The following WDR17 variants were observed in gnomAD, a reference collection of about 807,000 sequenced individuals.
WDR17 encodes the protein WD repeat-containing protein 17.
A neutral mutation model predicts 161.7 loss-of-function variants in WDR17; 143 were observed. The ratio of observed to expected loss-of-function variants is 0.88; its 90% CI spans 0.77 to 1.02. The LOEUF is 1.02. WDR17 is among the 50% of genes least tolerant of loss of function. WDR17 has a pLI of 0.00. For missense variants in WDR17, 1,469 were observed against 1,520.9 expected, an observed-to-expected ratio of 0.97 and a Z score of 0.57; for synonymous variants, 517 against 515.6, an observed-to-expected ratio of 1.00 and a Z score of -0.04.
chr4:176,085,664 A>G (rs959316289), intron 1 of WDR17, among the ~76,000 whole-genome samples: 1 of 151,866 alleles, frequency 6.6e-6, no homozygotes, highest in Non-Finnish European at 1.5e-5. Context: ...CCTGATAAGG[A>G]TCTGATATGG....
chr4:176,106,742 C>G (rs975648514), intron 1 of WDR17, among the ~76,000 whole-genome samples: 2 of 152,086 alleles, frequency 1.3e-5, no homozygotes, highest in African/African-American at 2.4e-5. Flanking sequence ...TCACTTGAGG[C>G]CAGGAGTTCG....
At chr4:176,142,252 A>T (rs1300491692) in intron 11 of WDR17, among the ~76,000 whole-genome samples, 183 bp downstream of exon 11, 1 of 152,236 alleles carries the variant, frequency 6.6e-6, no homozygotes, top group Non-Finnish European at 1.5e-5. Context: ...TTATTCCATG[A>T]AGTTTTTACA....
intron 4 of WDR17, among the ~76,000 whole-genome samples, chr4:176,122,203 C>T (rs1412876860): frequency 2.0e-5 from 3 of 152,114 alleles, no homozygotes; most frequent in Admixed American, 6.5e-5. Context: ...TCACATGGCA[C>T]GTGGCATCCC....
In WDR17 at chr4:176,181,702, T is replaced by C. The variant is rs1358684536; in HGVS notation, c.*2123T>C. On this transcript the variant is annotated 3_prime_UTR_variant, in exon 29 of 29. Coordinates refer to ENST00000508596, the MANE Select transcript of WDR17 (RefSeq NM_181265.4). ...TACTGTCATTCTTTTTATTTTAAAATAAATAAATAAGCCTATCTTTTTGTG... is the reference window on the plus strand; with the variant it reads ...TACTGTCATTCTTTTTATTTTAAAACAAATAAATAAGCCTATCTTTTTGTG... The C allele has an allele frequency of 6.5e-6, 1 of 152,994 alleles. No individual in the cohort carries two copies. Among genetic ancestry groups the C allele is most frequent in the Admixed American group, 6.6e-5 (1 of 15,256 alleles). The allele number at this position is 152,994 out of a possible 1,614,324, so 9.5% of individuals were successfully genotyped here. A position where few individuals can be genotyped will look rare whatever the true frequency, so the allele number is the denominator to read the frequency against.
At chr4:176,104,809 G>A (rs1179788942) in intron 1 of WDR17, among the ~76,000 whole-genome samples, 3 of 151,948 alleles carry the variant, frequency 2.0e-5, no homozygotes, top group South Asian at 4.1e-4. Context: ...AGACAAAAGC[G>A]TTGCAGGAAA....
chr4:176,090,485 A>G (rs1735986184), intron 1 of WDR17, among the ~76,000 whole-genome samples: 1 of 152,170 alleles, frequency 6.6e-6, no homozygotes, highest in Non-Finnish European at 1.5e-5. Context: ...ATAGCAAGAC[A>G]AACAGATGAA....
chr4:176,097,911 T>C (rs1737163778), intron 1 of WDR17, among the ~76,000 whole-genome samples: 1 of 152,054 alleles, frequency 6.6e-6, no homozygotes, highest in Admixed American at 6.6e-5. Flanking sequence ...TTCCTCTTCT[T>C]GCCCTTTATA....
At chr4:176,075,357 A>G (rs1013285708) in intron 1 of WDR17, among the ~76,000 whole-genome samples, 3 of 152,106 alleles carry the variant, frequency 2.0e-5, no homozygotes, top group Non-Finnish European at 2.9e-5. Context: ...GAAATTTACC[A>G]TATCTTTGTT....
intron 8 of WDR17, 46 bp from the exon 9 acceptor site, chr4:176,137,474 T>G: frequency 2.1e-6 from 3 of 1,461,544 alleles, no homozygotes; most frequent in Non-Finnish European, 2.9e-6. Context: ...AAGAATTACA[T>G]TTGTGGGAAA....
intron 11 of WDR17, 79 bp from the exon 12 acceptor site, chr4:176,145,916 T>C: frequency 3.1e-6 from 4 of 1,273,568 alleles, no homozygotes; most frequent in Non-Finnish European, 4.2e-6. Context: ...CTTTTAGAAA[T>C]TAGAACTATG....
intron 1 of WDR17, among the ~76,000 whole-genome samples, chr4:176,069,741 A>T (rs1404004476): frequency 1.3e-5 from 2 of 152,226 alleles, no homozygotes; most frequent in Non-Finnish European, 2.9e-5. Flanking sequence ...ACGCACACAG[A>T]AAACTTACTT....
At position 176,168,810 on chromosome 4, in the gene WDR17, G is replaced by A. The variant is rs747605915; in HGVS notation, c.3102+27G>A. On this transcript the variant is annotated intron_variant, in intron 23 of 28. Coordinates refer to ENST00000508596, the MANE Select transcript of WDR17 (RefSeq NM_181265.4). ...TATGCTGATGATGTTAAATATTCTGGTTTGGAATGCAGTGCTATGATTTAA... is the reference window on the plus strand; with the variant it reads ...TATGCTGATGATGTTAAATATTCTGATTTGGAATGCAGTGCTATGATTTAA... 5 of 1,598,700 alleles carry A rather than the reference G, an allele frequency of 3.1e-6. No homozygotes were observed. In the East Asian group the frequency reaches 1.1e-4, roughly 36 times the overall value.
intron 1 of WDR17, among the ~76,000 whole-genome samples, chr4:176,079,609 G>A (rs1042330614): frequency 1.3e-5 from 2 of 152,024 alleles, no homozygotes; most frequent in Non-Finnish European, 2.9e-5. Context: ...ATCAAATTAA[G>A]GAAACATCAG....
At chr4:176,136,162 A>G (rs1314351768) in intron 8 of WDR17, among the ~76,000 whole-genome samples, 1 of 151,668 alleles carries the variant, frequency 6.6e-6, no homozygotes, top group African/African-American at 2.4e-5. Flanking sequence ...GTTAAGGACC[A>G]CTGCTTTATG....
chr4:176,079,977 A>C (rs183217985), intron 1 of WDR17, among the ~76,000 whole-genome samples: 1 of 152,206 alleles, frequency 6.6e-6, no homozygotes, highest in East Asian at 1.9e-4. Flanking sequence ...TGAATGGATT[A>C]ATTTGTTCAC....
At chr4:176,177,373 A>C in intron 27 of WDR17, 98 bp from the exon 28 acceptor site, 1 of 1,201,076 alleles carries the variant, frequency 8.3e-7, no homozygotes, top group Non-Finnish European at 1.2e-6. Context: ...TCCATCAATA[A>C]AGGGGAACTA....
intron 20 of WDR17, among the ~76,000 whole-genome samples, chr4:176,161,594 C>T (rs1052682767): frequency 6.6e-6 from 1 of 152,046 alleles, no homozygotes; most frequent in Non-Finnish European, 1.5e-5. Flanking sequence ...TTAAGACACT[C>T]ATCAAGTAGA....
intron 16 of WDR17, 114 bp downstream of exon 16, chr4:176,150,707 T>C (rs762138452): frequency 4.6e-6 from 5 of 1,085,212 alleles, no homozygotes; most frequent in Non-Finnish European, 6.2e-6. Flanking sequence ...TTTAAATAAA[T>C]GAACACTGAG....
chr4:176,088,092 C>T (rs1054106776), intron 1 of WDR17, among the ~76,000 whole-genome samples: 2 of 152,176 alleles, frequency 1.3e-5, no homozygotes, highest in African/African-American at 4.8e-5. Context: ...GATCTGCCCT[C>T]CTTGGCTTCC....
Sources: gnomAD v4.1 joint callset for allele counts (sites outside exome capture counted in the v4.1 genomes callset) on GRCh38, gnomAD v4.1.1 for gene constraint, MANE v1.5 for transcripts, NCBI Gene and HGNC (gene_info 2026-07-23, HGNC 2026-07-21) for gene names.